Variants in DSCAM observed in about 807,000 individuals in gnomAD.
The protein encoded by DSCAM is cell adhesion molecule DSCAM.
A neutral mutation model predicts 217.7 loss-of-function variants in DSCAM; 47 were observed. That is an observed-to-expected ratio of 0.22 (90% CI 0.17 to 0.28). The LOEUF is 0.28. Ranked by LOEUF, DSCAM falls within the 10% of genes least tolerant of loss-of-function variation. The pLI is 1.00. For missense variants in DSCAM, 2,080 were observed against 2,618.3 expected, an observed-to-expected ratio of 0.79 and a Z score of 4.49; for synonymous variants, 1,056 against 1,015.3, an observed-to-expected ratio of 1.04 and a Z score of -0.76.
At chr21:40,540,910 T>A (rs544761221) in intron 3 of DSCAM, among the ~76,000 whole-genome samples, 94 of 151,768 alleles carry the variant, frequency 6.2e-4, no homozygotes, top group African/African-American at 2.1e-3. Flanking sequence ...ATTTTTTTTT[T>A]AAAGATGGGG....
chr21:40,229,724 A>G (rs1043344561), intron 11 of DSCAM, among the ~76,000 whole-genome samples: 1 of 152,228 alleles, frequency 6.6e-6, no homozygotes, highest in African/African-American at 2.4e-5. Flanking sequence ...TGTACCAAAC[A>G]AAAGTTTGTA....
At chr21:40,427,788 A>G (rs367963682) in intron 3 of DSCAM, among the ~76,000 whole-genome samples, 2 of 152,228 alleles carry the variant, frequency 1.3e-5, no homozygotes, top group African/African-American at 4.8e-5. Context: ...TGCCTGCCGC[A>G]TGTGGCCTGG....
chr21:40,083,015 C>G (rs552851829), intron 24 of DSCAM, among the ~76,000 whole-genome samples: 1 of 152,280 alleles, frequency 6.6e-6, no homozygotes, highest in East Asian at 1.9e-4. Context: ...AGTCTAAGCC[C>G]CTATTCTCTC....
Position 40,515,715 on chromosome 21 carries a change from G to T in DSCAM, c.509-146470C>A, listed in dbSNP as rs148885265. The stretch of plus-strand genomic sequence containing the variant: ...CAAAGATTCAACTTTATTCCCGGGT[G>T]CACAAGCCCTCCCAGGAGAGCTTCA... On this transcript the variant is annotated intron_variant, in intron 3 of 32. Coordinates refer to ENST00000400454, the MANE Select transcript of DSCAM (RefSeq NM_001389.5). Among the ~76,000 whole-genome samples, 3 of 152,208 alleles carry T rather than the reference G, an allele frequency of 2.0e-5. No homozygotes were observed. The East Asian group carries it at 5.8e-4, about 29-fold the overall frequency.
chr21:40,790,625 A>G (rs991931479), intron 1 of DSCAM, among the ~76,000 whole-genome samples: 1 of 152,154 alleles, frequency 6.6e-6, no homozygotes. Flanking sequence ...TGGAGGGAGT[A>G]ATTGTGTGTT....
intron 3 of DSCAM, among the ~76,000 whole-genome samples, chr21:40,682,356 A>T (rs1008629569): frequency 6.6e-6 from 1 of 151,952 alleles, no homozygotes; most frequent in Non-Finnish European, 1.5e-5. Flanking sequence ...AGAGGGGAAG[A>T]TGCAAACTGA....
chr21:40,575,373 G>C (rs1489953265), intron 3 of DSCAM, among the ~76,000 whole-genome samples: 1 of 152,038 alleles, frequency 6.6e-6, no homozygotes, highest in African/African-American at 2.4e-5. Flanking sequence ...CTCACACAAA[G>C]CCTGTTTGGT....
At chr21:40,831,099 G>T (rs759782729) in intron 1 of DSCAM, among the ~76,000 whole-genome samples, 4 of 152,200 alleles carry the variant, frequency 2.6e-5, no homozygotes, top group Non-Finnish European at 5.9e-5. Context: ...GCAATAAACC[G>T]AGTTCCACCA....
chr21:40,513,943 C>A (rs2076279879), intron 3 of DSCAM, among the ~76,000 whole-genome samples: 1 of 152,078 alleles, frequency 6.6e-6, no homozygotes, highest in African/African-American at 2.4e-5. Flanking sequence ...GGACAGAAAA[C>A]AGAAAGGCAC....
At chr21:40,563,475 T>A (rs1009763009) in intron 3 of DSCAM, among the ~76,000 whole-genome samples, 87 of 147,316 alleles carry the variant, frequency 5.9e-4, no homozygotes, top group African/African-American at 2.0e-3. Flanking sequence ...ATATATATAT[T>A]TGTTTATATA....
intron 11 of DSCAM, among the ~76,000 whole-genome samples, chr21:40,253,670 T>A (rs1402576296): frequency 1.3e-5 from 2 of 152,296 alleles, no homozygotes; most frequent in Admixed American, 6.5e-5. Context: ...GCCTCCGTAA[T>A]AAAACTTAGA....
intron 3 of DSCAM, among the ~76,000 whole-genome samples, chr21:40,582,850 G>A (rs980583779): frequency 6.6e-5 from 10 of 152,130 alleles, no homozygotes; most frequent in Non-Finnish European, 1.3e-4. Flanking sequence ...GGGCCAGATG[G>A]AGCAATAGAT....
intron 2 of DSCAM, among the ~76,000 whole-genome samples, chr21:40,697,692 T>C (rs2090610206): frequency 6.6e-6 from 1 of 152,246 alleles, no homozygotes; most frequent in South Asian, 2.1e-4. Context: ...CATTGGTCTA[T>C]GTGTCTGTTT....
Position 40,695,613 on chromosome 21 carries a change from C to T in DSCAM, c.362-2657G>A, listed in dbSNP as rs139217115. On this transcript the variant is annotated intron_variant, in intron 2 of 32. Transcript: ENST00000400454. The stretch of plus-strand genomic sequence containing the variant: ...GAAAACTGCACACTCCCCATCCCTT[C>T]TCCTTATTCGATTACTCATTCCACA... Among the ~76,000 whole-genome samples, 1,394 of 152,288 alleles carry T rather than the reference C, an allele frequency of 9.2e-3. 22 individuals carry two copies. Among genetic ancestry groups the T allele is most frequent in the African/African-American group, 0.032 (1,317 of 41,552 alleles).
intron 3 of DSCAM, among the ~76,000 whole-genome samples, chr21:40,428,233 T>TG (rs2075494999): frequency 7.8e-6 from 1 of 128,390 alleles, no homozygotes; most frequent in African/African-American, 3.1e-5. Flanking sequence ...GGGCAAATAC[T>TG]TTGTGTGTGT....
intron 11 of DSCAM, among the ~76,000 whole-genome samples, chr21:40,230,845 A>G (rs990517329): frequency 2.0e-5 from 3 of 151,822 alleles, no homozygotes; most frequent in Non-Finnish European, 4.4e-5. Flanking sequence ...TTATGATTAA[A>G]TCTCAGTGTT....
At chr21:40,756,482 C>T (rs2146573145) in intron 1 of DSCAM, among the ~76,000 whole-genome samples, 1 of 152,192 alleles carries the variant, frequency 6.6e-6, no homozygotes, top group Non-Finnish European at 1.5e-5. Flanking sequence ...ATCTCTGCCT[C>T]CCAGGTTCAA....
Position 40,644,745 on chromosome 21 carries a change from T to C in DSCAM, c.508+48065A>G, listed in dbSNP as rs182157884. Among the ~76,000 whole-genome samples, 9 of 152,348 alleles carry C rather than the reference T, an allele frequency of 5.9e-5. No individual in the cohort carries two copies. The East Asian group carries it at 7.7e-4, about 13-fold the overall frequency. On this transcript the variant is annotated intron_variant, in intron 3 of 32. Transcript: ENST00000400454. Reference sequence around the variant, plus strand: ...CTTTCACTTCAGTAAAGCTGGACTTTTGTTACTTCGTTCATTGCTTCATTC... The same window carrying C: ...CTTTCACTTCAGTAAAGCTGGACTTCTGTTACTTCGTTCATTGCTTCATTC...
At chr21:40,384,063 G>C (rs2075055449) in intron 3 of DSCAM, 1 of 152,270 alleles carries the variant, frequency 6.6e-6, no homozygotes, top group Non-Finnish European at 1.5e-5. Flanking sequence ...CCTCTGCTTG[G>C]AGATCACAGC....
Sources: allele counts gnomAD v4.1 joint callset (sites outside exome capture counted in the v4.1 genomes callset), GRCh38; gene constraint gnomAD v4.1.1; transcripts MANE v1.5; gene names NCBI Gene and HGNC (gene_info 2026-07-23, HGNC 2026-07-21).